The following FSTL4 variants were observed in gnomAD, a reference collection of about 807,000 sequenced individuals.
The protein encoded by FSTL4 is follistatin like 4.
A neutral mutation model predicts 78.2 loss-of-function variants in FSTL4; 28 were observed. The ratio of observed to expected loss-of-function variants is 0.36; its 90% confidence interval spans 0.27 to 0.49. FSTL4 has a LOEUF of 0.49. Ranked by LOEUF, FSTL4 falls within the 20% of genes least tolerant of loss-of-function variation. The pLI, the probability that FSTL4 is intolerant of heterozygous loss-of-function variation, is 0.98. For missense variants in FSTL4, 922 were observed against 1,084.9 expected (o/e 0.85, Z 2.11); for synonymous variants, 422 against 440.5 (o/e 0.96, Z 0.53).
At chr5:133,651,319 T>C in the FSTL4 span, among the ~76,000 whole-genome samples, 1 of 152,186 alleles carries the variant, frequency 6.6e-6, no homozygotes, top group African/African-American at 2.4e-5. Context: ...TTTATAATCT[T>C]AGAAGGAAAG....
intron 1 of FSTL4, 147 bp from the exon 2 acceptor site, chr5:133,604,140 AT>A (rs1456940370): frequency 1.6e-6 from 1 of 606,910 alleles, no homozygotes; most frequent in African/African-American, 1.8e-5. Context: ...GAGAGGTTAT[AT>A]TACTTCTGAG....
the FSTL4 span, among the ~76,000 whole-genome samples, chr5:133,696,187 AC>A: frequency 6.6e-6 from 1 of 152,218 alleles, no homozygotes; most frequent in Non-Finnish European, 1.5e-5. Context: ...TCTGAAGCCT[AC>A]GCTCCTGACT....
the FSTL4 span, among the ~76,000 whole-genome samples, chr5:133,734,056 T>C: frequency 3.2e-4 from 48 of 152,224 alleles, 1 homozygote; most frequent in Non-Finnish European, 1.0e-4. Context: ...TTCTATATCC[T>C]AGCCTTGGAA....
chr5:133,754,370 A>T, the FSTL4 span, among the ~76,000 whole-genome samples: 30 of 152,206 alleles, frequency 2.0e-4, no homozygotes, highest in Non-Finnish European at 2.9e-4. Context: ...TATATATATA[A>T]AAAGATCAAA....
chr5:133,364,003 T>C (rs951436314), intron 4 of FSTL4, among the ~76,000 whole-genome samples: 1 of 152,224 alleles, frequency 6.6e-6, no homozygotes, highest in East Asian at 1.9e-4. Context: ...TTCCCGTAGA[T>C]GCTTTAGCCC....
chr5:133,514,507 A>T (rs2112891274), intron 3 of FSTL4, among the ~76,000 whole-genome samples: 1 of 152,332 alleles, frequency 6.6e-6, no homozygotes, highest in Middle Eastern at 3.4e-3. Flanking sequence ...GAAGAAAAGG[A>T]GCAGATGTGC....
the FSTL4 span, among the ~76,000 whole-genome samples, chr5:133,661,961 T>C: frequency 6.6e-6 from 1 of 152,232 alleles, no homozygotes; most frequent in Non-Finnish European, 1.5e-5. Flanking sequence ...GAGAAGCATA[T>C]GCACAAAGTA....
chr5:133,814,522 G>C, the FSTL4 span, among the ~76,000 whole-genome samples: 15 of 152,296 alleles, frequency 9.8e-5, no homozygotes, highest in Non-Finnish European at 1.6e-4. Context: ...AAAAACACAA[G>C]GGATGGCTGC....
chr5:133,696,521 T>C, the FSTL4 span, among the ~76,000 whole-genome samples: 3 of 152,216 alleles, frequency 2.0e-5, no homozygotes, highest in Non-Finnish European at 2.9e-5. Context: ...TGGCATGTCG[T>C]ATCTCATTTT....
At chr5:133,625,269 T>C in the FSTL4 span, among the ~76,000 whole-genome samples, 1 of 151,920 alleles carries the variant, frequency 6.6e-6, no homozygotes, top group Non-Finnish European at 1.5e-5. Flanking sequence ...TTTTGGGGAA[T>C]TTTTAGTTGT....
intron 11 of FSTL4, among the ~76,000 whole-genome samples, chr5:133,223,484 T>G (rs1751221735): frequency 6.6e-6 from 1 of 152,130 alleles, no homozygotes; most frequent in Non-Finnish European, 1.5e-5. Context: ...GGAGAATGAG[T>G]TGCCACAAGG....
At chr5:133,368,080 G>A (rs896855799) in intron 4 of FSTL4, among the ~76,000 whole-genome samples, 7 of 152,248 alleles carry the variant, frequency 4.6e-5, no homozygotes, top group African/African-American at 1.7e-4. Flanking sequence ...CCCTGGGAGG[G>A]GATTGCTAAG....
chr5:133,321,475 G>A (rs1754051122), intron 4 of FSTL4, among the ~76,000 whole-genome samples: 1 of 152,204 alleles, frequency 6.6e-6, no homozygotes, highest in Non-Finnish European at 1.5e-5. Flanking sequence ...AGGTCCCTGG[G>A]GTGTGTGGCA....
At chr5:133,717,404 T>A in the FSTL4 span, among the ~76,000 whole-genome samples, 3 of 152,262 alleles carry the variant, frequency 2.0e-5, no homozygotes, top group African/African-American at 7.2e-5. Context: ...TTGGTACTAT[T>A]TTGTTTTTTA....
At chr5:133,378,908 A>G (rs772780298) in intron 4 of FSTL4, among the ~76,000 whole-genome samples, 4 of 152,170 alleles carry the variant, frequency 2.6e-5, no homozygotes, top group Non-Finnish European at 4.4e-5. Flanking sequence ...TTCAAATATA[A>G]ATCCAACTAT....
chr5:133,490,928 C>G (rs1758253643), intron 3 of FSTL4, among the ~76,000 whole-genome samples: 1 of 152,048 alleles, frequency 6.6e-6, no homozygotes, highest in East Asian at 1.9e-4. Context: ...AAGAAAGGAA[C>G]AATAGACACC....
At chr5:133,779,316 G>A in the FSTL4 span, among the ~76,000 whole-genome samples, 1 of 152,288 alleles carries the variant, frequency 6.6e-6, no homozygotes, top group Non-Finnish European at 1.5e-5. Flanking sequence ...GCCAGGCATG[G>A]TGGCTCACAC....
At chr5:133,282,506 T>C (rs962752765) in intron 6 of FSTL4, among the ~76,000 whole-genome samples, 8 of 152,340 alleles carry the variant, frequency 5.3e-5, no homozygotes, top group Middle Eastern at 3.4e-3. Context: ...CAAAATGCAT[T>C]TTAATCCCAT....
chr5:133,783,882 C>T, the FSTL4 span, among the ~76,000 whole-genome samples: 70 of 151,814 alleles, frequency 4.6e-4, no homozygotes, highest in African/African-American at 1.6e-3. Flanking sequence ...CCCGCCCACC[C>T]CCCAAACATA....
Sources: gnomAD v4.1 joint callset for allele counts (sites outside exome capture counted in the v4.1 genomes callset) on GRCh38, gnomAD v4.1.1 for gene constraint, MANE v1.5 for transcripts, NCBI Gene and HGNC (gene_info 2026-07-23, HGNC 2026-07-21) for gene names.